The following CNTNAP5 variants were observed in gnomAD, a reference collection of about 807,000 sequenced individuals.
CNTNAP5 encodes contactin associated protein family member 5, also known as contactin-associated protein-like 5.
CNTNAP5 carries 72 observed loss-of-function variants against 150.2 expected under a neutral mutation model. The observed-to-expected ratio is 0.48, with a 90% CI of 0.40 to 0.58. The LOEUF (loss-of-function observed/expected upper bound fraction) is 0.58, where lower values mean the gene tolerates loss of function less well. CNTNAP5 is among the 20% of genes least tolerant of loss of function. CNTNAP5 has a pLI of 0.00. For synonymous variants in CNTNAP5, 672 were observed against 619.8 expected (o/e 1.08, Z -1.25); for missense variants, 1,636 against 1,626.2 (o/e 1.01, Z -0.10).
intron 19 of CNTNAP5, among the ~76,000 whole-genome samples, chr2:124,859,659 C>T (rs1677466688): frequency 6.6e-6 from 1 of 152,122 alleles, no homozygotes; most frequent in Non-Finnish European, 1.5e-5. Flanking sequence ...AGAACCAACC[C>T]AAATGTCCAT....
intron 11 of CNTNAP5, among the ~76,000 whole-genome samples, chr2:124,587,877 A>G (rs917244017): frequency 2.0e-5 from 3 of 152,200 alleles, no homozygotes; most frequent in African/African-American, 7.2e-5. Context: ...AAGTAAGATT[A>G]CTAGGAAAAA....
chr2:124,271,657 TAA>T (rs1558828818), intron 3 of CNTNAP5, among the ~76,000 whole-genome samples: 3 of 131,696 alleles, frequency 2.3e-5, no homozygotes, highest in African/African-American at 8.8e-5. Context: ...AGTTTTTTTT[TAA>T]TCTATCTATC....
intron 3 of CNTNAP5, among the ~76,000 whole-genome samples, chr2:124,279,353 G>A (rs1435110704): frequency 6.6e-6 from 1 of 151,886 alleles, no homozygotes. Flanking sequence ...ACAAGGGAGT[G>A]ACATAATTTG....
intron 13 of CNTNAP5, among the ~76,000 whole-genome samples, chr2:124,676,375 G>T (rs1573540739): frequency 6.6e-6 from 1 of 152,296 alleles, no homozygotes; most frequent in East Asian, 1.9e-4. Context: ...GAAATATGCT[G>T]AAGCTTATCA....
At chr2:124,806,001 G>A (rs1380032748) in intron 19 of CNTNAP5, among the ~76,000 whole-genome samples, 1 of 152,212 alleles carries the variant, frequency 6.6e-6, no homozygotes, top group Non-Finnish European at 1.5e-5. Flanking sequence ...ACTAGAGTTA[G>A]TCTTCAACAT....
At chr2:124,730,620 C>T (rs1023337436) in intron 13 of CNTNAP5, among the ~76,000 whole-genome samples, 1 of 151,874 alleles carries the variant, frequency 6.6e-6, no homozygotes, top group Non-Finnish European at 1.5e-5. Flanking sequence ...TTGATTTCAT[C>T]TGTTTTTTGT....
At position 124,236,707 on chromosome 2, in the gene CNTNAP5, G is replaced by A. The variant is rs537869339; in HGVS notation, c.188-5493G>A. ...TCAAGTTAGCCTCACAGTAATTTGT[G>A]AGAATATGCTTGTAGTTTCATAGGG... On this transcript the variant is annotated intron_variant, in intron 2 of 23. Transcript: ENST00000682447. 1.2e-3 allele frequency among the ~76,000 whole-genome samples: 180 copies of A among 152,226 alleles called. 1 individual carries two copies. Among genetic ancestry groups the A allele is most frequent in the Non-Finnish European group, 1.4e-3 (98 of 68,016 alleles).
intron 1 of CNTNAP5, among the ~76,000 whole-genome samples, chr2:124,196,534 C>T (rs916700786): frequency 6.6e-6 from 1 of 152,120 alleles, no homozygotes; most frequent in Non-Finnish European, 1.5e-5. Context: ...ATAGTACACT[C>T]ATTATCCCAT....
intron 1 of CNTNAP5, among the ~76,000 whole-genome samples, chr2:124,201,966 C>A (rs1238888887): frequency 6.6e-6 from 1 of 151,946 alleles, no homozygotes; most frequent in Non-Finnish European, 1.5e-5. Context: ...GTCCTCGGCC[C>A]CTAAGACAGT....
At chr2:124,888,567 A>G (rs1165249427) in intron 21 of CNTNAP5, among the ~76,000 whole-genome samples, 1 of 152,164 alleles carries the variant, frequency 6.6e-6, no homozygotes, top group Non-Finnish European at 1.5e-5. Flanking sequence ...TTCTACCAAC[A>G]GTGAATAAGC....
chr2:124,043,975 C>A (rs1041806974), intron 1 of CNTNAP5, among the ~76,000 whole-genome samples: 36 of 152,182 alleles, frequency 2.4e-4, no homozygotes, highest in African/African-American at 8.7e-4. Flanking sequence ...AGTTCTTGTC[C>A]TCTCTTCTCT....
intron 3 of CNTNAP5, among the ~76,000 whole-genome samples, chr2:124,369,288 A>G (rs1417311316): frequency 6.6e-6 from 1 of 152,162 alleles, no homozygotes; most frequent in Non-Finnish European, 1.5e-5. Context: ...GCCTAATGGA[A>G]AGAGAACTTG....
chr2:124,419,898 T>TTCTTTCTTTCTC (rs1692040593), intron 4 of CNTNAP5, among the ~76,000 whole-genome samples: 1 of 83,272 alleles, frequency 1.2e-5, no homozygotes, highest in African/African-American at 5.9e-5. Context: ...TGGATTGGTT[T>TTCTTTCTTTCTC]TCTTTCTTTC....
In CNTNAP5 at chr2:124,504,478, C is replaced by T; in HGVS notation, c.1249C>T (p.Leu417=). The T allele has an allele frequency of 1.2e-6, 2 of 1,613,778 alleles. No homozygotes were observed. Among genetic ancestry groups the T allele is most frequent in the Non-Finnish European group, 1.7e-6 (2 of 1,179,806 alleles). Residue 417 remains leucine (L), a synonymous_variant, in exon 8 of 24, where the codon CTG becomes TTG. Coordinates refer to ENST00000682447, the MANE Select transcript of CNTNAP5 (RefSeq NM_001367498.1). ...STELSEGSGT[L]LLSLEGGILR... is the part of the protein sequence containing the mutation. The stretch of plus-strand genomic sequence containing the variant: ...AGAGCTGTCTGAGGGCTCGGGAACC[C>T]TGCTGCTGAGCCTGGAGGGTGGAAT...
intron 4 of CNTNAP5, among the ~76,000 whole-genome samples, chr2:124,419,948 C>CCT (rs747345544): frequency 0.029 from 3,235 of 112,548 alleles, 72 homozygotes; most frequent in African/African-American, 0.039. Flanking sequence ...TTCTTTCTTT[C>CCT]TTTCTTTCCT....
chr2:124,215,902 G>A (rs1218343828), intron 1 of CNTNAP5, among the ~76,000 whole-genome samples: 1 of 152,108 alleles, frequency 6.6e-6, no homozygotes, highest in Non-Finnish European at 1.5e-5. Flanking sequence ...CTGCAAAGGT[G>A]CCAGAAAACT....
chr2:124,554,783 A>G (rs1695713041), intron 10 of CNTNAP5, among the ~76,000 whole-genome samples: 1 of 152,144 alleles, frequency 6.6e-6, no homozygotes, highest in Non-Finnish European at 1.5e-5. Context: ...TCTCTTAAAA[A>G]CTACAAACAC....
intron 1 of CNTNAP5, among the ~76,000 whole-genome samples, chr2:124,132,299 C>T (rs1470671501): frequency 6.6e-6 from 1 of 152,094 alleles, no homozygotes; most frequent in Non-Finnish European, 1.5e-5. Context: ...TCACCAAATC[C>T]TTTTGTTGGC....
chr2:124,123,950 A>G (rs752872766), intron 1 of CNTNAP5, among the ~76,000 whole-genome samples: 1 of 152,182 alleles, frequency 6.6e-6, no homozygotes, highest in African/African-American at 2.4e-5. Flanking sequence ...ACAAAGATGG[A>G]GAGAAACCAG....
Sources: gnomAD v4.1 joint callset for allele counts (sites outside exome capture counted in the v4.1 genomes callset) on GRCh38, gnomAD v4.1.1 for gene constraint, MANE v1.5 for transcripts, NCBI Gene and HGNC (gene_info 2026-07-23, HGNC 2026-07-21) for gene names.